Variants in CA7 observed in about 807,000 individuals in gnomAD.
CA7 encodes carbonic anhydrase 7, also known as carbonate dehydratase VII.
A neutral mutation model predicts 31.4 loss-of-function variants in CA7; 13 were observed. That is an observed-to-expected ratio of 0.41 (90% CI 0.27 to 0.66). The LOEUF (loss-of-function observed/expected upper bound fraction) is 0.66, where lower values mean the gene tolerates loss of function less well. Among genes scored for constraint, CA7 ranks in the 30% least tolerant of loss-of-function variants. The pLI, the probability that CA7 is intolerant of heterozygous loss-of-function variation, is 0.28. For missense variants in CA7, 215 were observed against 351.0 expected (o/e 0.61, Z 3.10); for synonymous variants, 128 against 133.2 (o/e 0.96, Z 0.27).
At chr16:66,850,999 C>T (rs1221481174) in intron 3 of CA7, among the ~76,000 whole-genome samples, 1 of 152,196 alleles carries the variant, frequency 6.6e-6, no homozygotes, top group Non-Finnish European at 1.5e-5. Context: ...CCTCTTCATA[C>T]ACTGAGCTGC....
At chr16:66,852,531 A>AAAGG (rs761124700) in intron 5 of CA7, among the ~76,000 whole-genome samples, 181 bp from the exon 6 acceptor site, 364 of 133,986 alleles carry the variant, frequency 2.7e-3, no homozygotes, top group Admixed American at 0.014. Context: ...GAAGGAAGGG[A>AAAGG]AAGGAAGGAA....
At position 66,844,455 on chromosome 16, in the gene CA7, G is replaced by T; in HGVS notation, c.-33G>T. The T allele has an allele frequency of 1.3e-6, 2 of 1,531,242 alleles. No homozygotes were observed. The highest frequency in any genetic ancestry group is 1.8e-6 in the Non-Finnish European group (2 of 1,137,568). 94.9% of individuals were successfully genotyped at this position (1,531,242 alleles called of 1,614,324 possible). ...CCCGAACGAGCGGACCGAGCCGACC[G>T]GGCAGGTGCACGGCTGCGGGGACGG... On this transcript the variant is annotated 5_prime_UTR_variant, in exon 1 of 7. Coordinates refer to ENST00000338437, the MANE Select transcript of CA7 (RefSeq NM_005182.3).
chr16:66,847,024 C>T lies in CA7; in HGVS notation c.41-6C>T, dbSNP rs1284671986. 2.5e-6 allele frequency: 4 copies of T among 1,613,960 alleles called. No homozygotes were observed. Among genetic ancestry groups the T allele is most frequent in the Non-Finnish European group, 3.4e-6 (4 of 1,179,982 alleles). On this transcript the variant is annotated splice_polypyrimidine_tract_variant and splice_region_variant and intron_variant, in intron 1 of 6. Coordinates refer to ENST00000338437, the MANE Select transcript of CA7 (RefSeq NM_005182.3). Reference sequence around the variant, plus strand: ...CCTGAGTCCTTGCCCTCCTCCCCACCTGCAGGCCCCTCGCATTGGCACAAG... The same window carrying T: ...CCTGAGTCCTTGCCCTCCTCCCCACTTGCAGGCCCCTCGCATTGGCACAAG...
chr16:66,850,519 C>A lies in CA7; in HGVS notation c.239-22C>A, dbSNP rs1961018890. ...GTCGGTCCTCTCCTACTCATTGCCA[C>A]TCGCCCCACTTCTACCCACAGTGGT... On this transcript the variant is annotated intron_variant, in intron 2 of 6. Coordinates refer to ENST00000338437, the MANE Select transcript of CA7 (RefSeq NM_005182.3). 2.9e-6 allele frequency: 4 copies of A among 1,382,546 alleles called. No individual in the cohort carries two copies. In the South Asian group the frequency reaches 3.5e-5, roughly 12 times the overall value. 85.6% of individuals were successfully genotyped at this position (1,382,546 alleles called of 1,614,324 possible).
Position 66,851,399 on chromosome 16 carries a change from G to C in CA7, c.358-64G>C. On this transcript the variant is annotated intron_variant, in intron 3 of 6. Transcript: ENST00000338437. ...CAGGGGTCTGGTGGGAGTGAGGGGA[G>C]CCTGGCTCAGAGTTCCCATTGCCTC... 2.3e-6 allele frequency: 3 copies of C among 1,330,934 alleles called. No homozygotes were observed. In the Admixed American group the frequency reaches 5.1e-5, roughly 22 times the overall value. 82.4% of individuals were successfully genotyped at this position (1,330,934 alleles called of 1,614,324 possible).
intron 2 of CA7, 38 bp from the exon 3 acceptor site, chr16:66,850,498 GTCCTC>G: frequency 1.8e-6 from 2 of 1,134,624 alleles, no homozygotes; most frequent in Non-Finnish European, 2.7e-6. Context: ...TGGGCTGTCG[GTCCTC>G]TCCTACTCAT....
intron 4 of CA7, 52 bp from the exon 5 acceptor site, chr16:66,851,612 C>T: frequency 6.2e-7 from 1 of 1,612,608 alleles, no homozygotes; most frequent in Non-Finnish European, 8.5e-7. Flanking sequence ...GGCACTGCCC[C>T]TAGTTCTAGA....
rs373451178 is a variant in CA7 at position 66,851,624 on chromosome 16, C to A, written c.454-40C>A. On this transcript the variant is annotated intron_variant, in intron 4 of 6. Transcript: ENST00000338437. The stretch of plus-strand genomic sequence containing the variant: ...CCTGGCACTGCCCCTAGTTCTAGAA[C>A]ACAGTGGGCTCTGGGCTCACACTGC... 5.6e-6 allele frequency: 9 copies of A among 1,612,848 alleles called. No individual in the cohort carries two copies. The African/African-American group carries it at 6.7e-5, about 12-fold the overall frequency.
chr16:66,846,039 G>C (rs1960921871), intron 1 of CA7, among the ~76,000 whole-genome samples: 1 of 152,210 alleles, frequency 6.6e-6, no homozygotes, highest in Non-Finnish European at 1.5e-5. Context: ...AGCCAAAAAG[G>C]GGGAGAAGCA....
At chr16:66,849,870 AC>A (rs1382846574) in intron 2 of CA7, among the ~76,000 whole-genome samples, 2 of 152,158 alleles carry the variant, frequency 1.3e-5, no homozygotes, top group Non-Finnish European at 2.9e-5. Flanking sequence ...AATGTATCCC[AC>A]ACTTTGGAAG....
At chr16:66,845,057 C>T (rs924946424) in intron 1 of CA7, 13 of 985,870 alleles carry the variant, frequency 1.3e-5, no homozygotes, top group Non-Finnish European at 1.6e-5. Flanking sequence ...GGGAAGGGGG[C>T]ACTTGGGGGC....
At chr16:66,850,394 T>C in intron 2 of CA7, 147 bp from the exon 3 acceptor site, 1 of 672,676 alleles carries the variant, frequency 1.5e-6, no homozygotes, top group South Asian at 1.7e-5. Context: ...TAAGCCATGT[T>C]TGCACCATGG....
At chr16:66,850,695 A>C in intron 3 of CA7, 36 bp downstream of exon 3, 4 of 1,427,680 alleles carry the variant, frequency 2.8e-6, no homozygotes, top group South Asian at 1.1e-5. Context: ...CCTCTGCTAC[A>C]TGGGAAGGAA....
At chr16:66,852,566 GAAAA>G (rs1961082498) in intron 5 of CA7, 142 bp from the exon 6 acceptor site, 7 of 503,886 alleles carry the variant, frequency 1.4e-5, no homozygotes, top group Non-Finnish European at 9.1e-6. Context: ...AAGAAAGAAA[GAAAA>G]AGAAAGAAAA....
chr16:66,844,841 C>A, intron 1 of CA7: 2 of 982,134 alleles, frequency 2.0e-6, no homozygotes, highest in Non-Finnish European at 2.6e-6. Context: ...ACTCACTCGC[C>A]CCGGGCGTGC....
At chr16:66,847,794 T>A (rs1960959641) in intron 2 of CA7, among the ~76,000 whole-genome samples, 1 of 152,316 alleles carries the variant, frequency 6.6e-6, no homozygotes, top group East Asian at 1.9e-4. Context: ...AGTTCACCTA[T>A]GACTTCAAGG....
At chr16:66,845,994 G>A (rs892256970) in intron 1 of CA7, among the ~76,000 whole-genome samples, 2 of 152,192 alleles carry the variant, frequency 1.3e-5, no homozygotes, top group African/African-American at 2.4e-5. Context: ...CGGCTCTGTC[G>A]GCACCTGCTG....
chr16:66,850,500 C>T (rs1168564705), intron 2 of CA7, 41 bp from the exon 3 acceptor site: 8 of 1,146,980 alleles, frequency 7.0e-6, no homozygotes, highest in Non-Finnish European at 9.3e-6. Context: ...GGCTGTCGGT[C>T]CTCTCCTACT....
At chr16:66,851,307 G>T (rs1002161359) in intron 3 of CA7, among the ~76,000 whole-genome samples, 156 bp from the exon 4 acceptor site, 10 of 152,168 alleles carry the variant, frequency 6.6e-5, no homozygotes, top group African/African-American at 2.4e-4. Flanking sequence ...ACCCTCTGGG[G>T]CTCCCCTGGA....
Sources: gnomAD v4.1 joint callset for allele counts (sites outside exome capture counted in the v4.1 genomes callset) on GRCh38, gnomAD v4.1.1 for gene constraint, MANE v1.5 for transcripts, NCBI Gene and HGNC (gene_info 2026-07-23, HGNC 2026-07-21) for gene names.